PRIM2: variants seen among roughly 807,000 people sequenced by gnomAD.
PRIM2 encodes DNA primase large subunit.
A neutral mutation model predicts 67.3 loss-of-function variants in PRIM2; 39 were observed. The ratio of observed to expected loss-of-function variants is 0.58; its 90% CI spans 0.45 to 0.76. The LOEUF is 0.76. Ranked by LOEUF, PRIM2 falls within the 30% of genes least tolerant of loss-of-function variation. The pLI is 0.00. For synonymous variants in PRIM2, 143 were observed against 198.7 expected (o/e 0.72, Z 2.36); for missense variants, 398 against 598.7 (o/e 0.66, Z 3.50).
chr6:57,537,084 G>T (rs1447078307), intron 9 of PRIM2, among the ~76,000 whole-genome samples: 1 of 151,940 alleles, frequency 6.6e-6, no homozygotes, highest in Middle Eastern at 3.2e-3. Flanking sequence ...TATCTTTGGG[G>T]GAATTTGGAT....
the PRIM2 span, among the ~76,000 whole-genome samples, chr6:57,272,266 T>C: frequency 6.6e-6 from 1 of 152,072 alleles, no homozygotes. Context: ...GTAGTGTAAG[T>C]CTTTGTAGGT....
At chr6:57,518,077 A>T (rs1774523398) in intron 8 of PRIM2, among the ~76,000 whole-genome samples, 1 of 152,224 alleles carries the variant, frequency 6.6e-6, no homozygotes, top group South Asian at 2.1e-4. Flanking sequence ...CAGACTACCA[A>T]GACTCACCAA....
intron 5 of PRIM2, among the ~76,000 whole-genome samples, chr6:57,328,499 C>T (rs1369839082): frequency 6.6e-6 from 1 of 152,196 alleles, no homozygotes; most frequent in Non-Finnish European, 1.5e-5. Flanking sequence ...TTTCAAGTTT[C>T]ATCTGTGCTG....
chr6:57,291,750 C>T, the PRIM2 span, among the ~76,000 whole-genome samples: 2,331 of 152,104 alleles, frequency 0.015, 49 homozygotes, highest in South Asian at 0.038. Context: ...AAAAACCACA[C>T]GATTATCTCA....
At chr6:57,437,662 CTT>C (rs11315818) in intron 7 of PRIM2, among the ~76,000 whole-genome samples, 486 of 128,300 alleles carry the variant, frequency 3.8e-3, no homozygotes, top group East Asian at 9.5e-3. Flanking sequence ...GGAAGGATTC[CTT>C]TTTTTTTTTT....
intron 12 of PRIM2, among the ~76,000 whole-genome samples, chr6:57,608,287 T>G (rs1776597121): frequency 6.6e-6 from 1 of 152,160 alleles, no homozygotes; most frequent in Non-Finnish European, 1.5e-5. Flanking sequence ...AGATTTCTTT[T>G]CATGGAGAGA....
rs1211791747 is a variant in PRIM2, at chr6:57,410,346, A to AAAAG, written c.693+28194_693+28197dup. Among the ~76,000 whole-genome samples the AAAAG allele has an allele frequency of 7.8e-3, 1,155 of 148,080 alleles. 14 individuals carry two copies. Among genetic ancestry groups the AAAAG allele is most frequent in the African/African-American group, 0.027 (1,045 of 39,426 alleles). On this transcript the variant is annotated intron_variant, in intron 7 of 13. Coordinates refer to ENST00000615550, the MANE Select transcript of PRIM2 (RefSeq NM_000947.5). Reference sequence around the variant, plus strand: ...AACGCCATCTCAAAAAAAAAAAAAAAAAAGAAAGAAAGAAAGAAAAGAAAA... The same window carrying AAAAG: ...AACGCCATCTCAAAAAAAAAAAAAAAAAAGAAAGAAAGAAAGAAAGAAAAGAAAA...
At chr6:57,349,172 C>T (rs1476621098) in intron 5 of PRIM2, among the ~76,000 whole-genome samples, 1 of 152,102 alleles carries the variant, frequency 6.6e-6, no homozygotes, top group East Asian at 1.9e-4. Context: ...ATATTTTTCC[C>T]CCATATTTTT....
At chr6:57,250,277 G>T in the PRIM2 span, among the ~76,000 whole-genome samples, 3 of 152,078 alleles carry the variant, frequency 2.0e-5, no homozygotes, top group Non-Finnish European at 4.4e-5. Flanking sequence ...TGAAATCTGG[G>T]AGTTTATTCA....
rs532248234 is a variant in PRIM2, at chr6:57,354,046, C to A, written c.460-25855C>A. Among the ~76,000 whole-genome samples, 18 of 152,234 alleles carry A rather than the reference C, an allele frequency of 1.2e-4. 1 individual carries two copies. The highest frequency in any genetic ancestry group is 1.8e-4 in the Non-Finnish European group (12 of 68,002). On this transcript the variant is annotated intron_variant, in intron 5 of 13. Coordinates refer to ENST00000615550, the MANE Select transcript of PRIM2 (RefSeq NM_000947.5). ...GCTTTGCTATTTTTTTGTACTCTTT[C>A]TCTTTCTTCGTTTCACAAAGAAGGT...
Position 57,365,675 on chromosome 6 carries a change from A to G in PRIM2, c.460-14226A>G, listed in dbSNP as rs557725844. Among the ~76,000 whole-genome samples, 255 of 152,300 alleles carry G rather than the reference A, an allele frequency of 1.7e-3. 3 individuals carry two copies. Among genetic ancestry groups the G allele is most frequent in the African/African-American group, 5.7e-3 (239 of 41,582 alleles). ...AGGTATTGTGGTAAGAACTGGGAATATAGGCTGTGTGCGGTAGCTCGCGCC... is the reference window on the plus strand; with the variant it reads ...AGGTATTGTGGTAAGAACTGGGAATGTAGGCTGTGTGCGGTAGCTCGCGCC... On this transcript the variant is annotated intron_variant, in intron 5 of 13. Transcript: ENST00000615550.
intron 7 of PRIM2, among the ~76,000 whole-genome samples, chr6:57,454,453 C>A (rs528583232): frequency 2.1e-4 from 32 of 152,070 alleles, no homozygotes; most frequent in Non-Finnish European, 3.4e-4. Context: ...TTAATTATTG[C>A]CTCAATTTCA....
rs2191662 is a variant in PRIM2, at chr6:57,351,901, C to T, written c.459+25856C>T. On this transcript the variant is annotated intron_variant, in intron 5 of 13. Coordinates refer to ENST00000615550, the MANE Select transcript of PRIM2 (RefSeq NM_000947.5). ...TCTTATAGTAGATTTTTCATGACCC[C>T]GTGTAAGTTACTGACCCTTTCAATG... is the stretch of plus-strand genomic sequence containing the variant. Among the ~76,000 whole-genome samples, 97 of 152,238 alleles carry T rather than the reference C, an allele frequency of 6.4e-4. No homozygotes were observed. In the East Asian group the frequency reaches 0.017, roughly 27 times the overall value.
At chr6:57,575,702 CTTTTT>C (rs1284972517) in intron 10 of PRIM2, among the ~76,000 whole-genome samples, 1 of 151,244 alleles carries the variant, frequency 6.6e-6, no homozygotes, top group African/African-American at 2.4e-5. Context: ...TTTAATTAAT[CTTTTT>C]TTTTCTTGAT....
At chr6:57,317,450 A>G (rs1418982422), upstream of PRIM2, among the ~76,000 whole-genome samples, 1 of 152,180 alleles carries the variant, frequency 6.6e-6, no homozygotes, top group African/African-American at 2.4e-5. Context: ...TTTGGAAAAA[A>G]AATCCCCAAA....
chr6:57,527,873 A>G (rs1774793407), intron 8 of PRIM2, among the ~76,000 whole-genome samples: 4 of 152,238 alleles, frequency 2.6e-5, no homozygotes, highest in South Asian at 2.1e-4. Context: ...CCTCATTTCT[A>G]TCATATTCAT....
chr6:57,291,768 C>A, the PRIM2 span, among the ~76,000 whole-genome samples: 1 of 152,142 alleles, frequency 6.6e-6, no homozygotes, highest in East Asian at 1.9e-4. Context: ...TCAATAGATG[C>A]AGAAAAGGCC....
Position 57,400,170 on chromosome 6 carries a change from C to T in PRIM2, c.693+18002C>T, listed in dbSNP as rs200175410. On this transcript the variant is annotated intron_variant, in intron 7 of 13. Transcript: ENST00000615550. ...TGTTGTTAGCTGGTTATTCTGCTGG[C>T]TTGTTTGTGTGGTTGCTTTATATTG... 1.4e-4 allele frequency among the ~76,000 whole-genome samples: 22 copies of T among 152,358 alleles called. No homozygotes were observed. In the East Asian group the frequency reaches 2.3e-3, roughly 16 times the overall value.
At chr6:57,302,276 G>A in the PRIM2 span, among the ~76,000 whole-genome samples, 2 of 152,156 alleles carry the variant, frequency 1.3e-5, no homozygotes, top group Non-Finnish European at 2.9e-5. Flanking sequence ...TTTGAATATG[G>A]ATAGAGAGAT....
Sources: gnomAD v4.1 joint callset for allele counts (sites outside exome capture counted in the v4.1 genomes callset) on GRCh38, gnomAD v4.1.1 for gene constraint, MANE v1.5 for transcripts, NCBI Gene and HGNC (gene_info 2026-07-23, HGNC 2026-07-21) for gene names.